ARHGAP21: variants seen among roughly 807,000 people sequenced by gnomAD.
ARHGAP21 encodes the protein Rho GTPase activating protein 21.
Under a neutral mutation model 164.6 loss-of-function variants are expected in ARHGAP21, and 38 were observed. The observed-to-expected ratio is 0.23, with a 90% CI of 0.18 to 0.30. The LOEUF (loss-of-function observed/expected upper bound fraction) is 0.30. Ranked by LOEUF, ARHGAP21 falls within the 10% of genes least tolerant of loss-of-function variation. ARHGAP21 has a pLI of 1.00. For missense variants in ARHGAP21, 1,822 were observed against 2,370.7 expected (o/e 0.77, Z 4.81); for synonymous variants, 766 against 857.9 (o/e 0.89, Z 1.87).
chr10:24,622,660 T>C lies in ARHGAP21; in HGVS notation c.525+73A>G, dbSNP rs914724665. On this transcript the variant is annotated intron_variant, in intron 8 of 25. Transcript: ENST00000396432. ...CTAAGCAAAAGTGAACAGTTTTTAA[T>C]AGATTGGCTTATTACAAATCTCTAC... is the stretch of plus-strand genomic sequence containing the variant. 23 of 1,481,566 alleles carry C rather than the reference T, an allele frequency of 1.6e-5. No individual in the cohort carries two copies. The East Asian group carries it at 5.3e-4, about 34-fold the overall frequency. 91.8% of individuals were successfully genotyped at this position (1,481,566 alleles called of 1,614,324 possible).
chr10:24,701,848 T>C (rs1315652191), intron 2 of ARHGAP21, among the ~76,000 whole-genome samples: 5 of 152,166 alleles, frequency 3.3e-5, no homozygotes, highest in Admixed American at 1.3e-4. Context: ...TATACAAGTA[T>C]CTACAGAAGT....
At chr10:24,709,852 C>T (rs562924561) in intron 2 of ARHGAP21, among the ~76,000 whole-genome samples, 45 of 152,114 alleles carry the variant, frequency 3.0e-4, no homozygotes, top group Admixed American at 1.1e-3. Flanking sequence ...CAACAAAATA[C>T]CTGCAAACTG....
At chr10:24,699,577 G>A (rs1299358464) in intron 2 of ARHGAP21, among the ~76,000 whole-genome samples, 4 of 151,976 alleles carry the variant, frequency 2.6e-5, no homozygotes, top group Non-Finnish European at 4.4e-5. Context: ...GGCTCACCTC[G>A]GCCTCCCAAA....
chr10:24,656,212 T>TG (rs1377990410), intron 4 of ARHGAP21, among the ~76,000 whole-genome samples: 27 of 104,268 alleles, frequency 2.6e-4, no homozygotes, highest in Admixed American at 1.2e-3. Context: ...GGGAGGGAGG[T>TG]GGGGGGGTCA....
chr10:24,625,669 T>G (rs1238625054), intron 7 of ARHGAP21, among the ~76,000 whole-genome samples: 1 of 152,194 alleles, frequency 6.6e-6, no homozygotes, highest in Non-Finnish European at 1.5e-5. Flanking sequence ...TCCCTCACTC[T>G]AGGCCGGACC....
rs1423634793 is a variant in ARHGAP21, at chr10:24,595,890, C to T, written c.3631G>A (p.Asp1211Asn). The T allele has an allele frequency of 6.2e-7, 1 of 1,611,844 alleles. No homozygotes were observed. The highest frequency in any genetic ancestry group is 1.1e-5 in the South Asian group (1 of 90,354). Residue 1211 changes from aspartate to asparagine, a missense_variant and splice_region_variant, in exon 18 of 26, where the codon GAT (aspartate) becomes AAT (asparagine). By Grantham distance (23) the Asp-to-Asn change is conservative (BLOSUM62 1). Transcript: ENST00000396432. ...GTTATTCAAATAAGCAAACTTACAT[C>T]ATCTTGTATATCAATATCAGCCATT... ...KGMADIDIQD[D>N]KWRDLNVISS...
At chr10:24,600,162 A>G (rs2076756636) in intron 14 of ARHGAP21, among the ~76,000 whole-genome samples, 1 of 148,852 alleles carries the variant, frequency 6.7e-6, no homozygotes, top group Non-Finnish European at 1.5e-5. Flanking sequence ...CTGACTTATG[A>G]TTTTTGAAAA....
chr10:24,608,401 T>C (rs2077121763), intron 9 of ARHGAP21, among the ~76,000 whole-genome samples: 1 of 152,188 alleles, frequency 6.6e-6, no homozygotes, highest in South Asian at 2.1e-4. Context: ...GTCCAGTCTC[T>C]AGCTTCCAAA....
chr10:24,607,970 A>G, intron 9 of ARHGAP21, 67 bp from the exon 10 acceptor site: 5 of 1,443,356 alleles, frequency 3.5e-6, no homozygotes, highest in African/African-American at 1.4e-5. Context: ...AACTCAGTCA[A>G]TAATCATTAT....
At chr10:24,619,287 G>C in intron 9 of ARHGAP21, among the ~76,000 whole-genome samples, 186 bp downstream of exon 9, 1 of 151,560 alleles carries the variant, frequency 6.6e-6, no homozygotes, top group African/African-American at 2.4e-5. Flanking sequence ...AAGGAAAATT[G>C]GTACTAGAAA....
rs187801404 is a variant in ARHGAP21 at position 24,718,463 on chromosome 10, G to A, written c.63+3374C>T. Among the ~76,000 whole-genome samples, 149 of 152,232 alleles carry A rather than the reference G, an allele frequency of 9.8e-4. 1 individual carries two copies. The highest frequency in any genetic ancestry group is 3.5e-3 in the African/African-American group (147 of 41,540). On this transcript the variant is annotated intron_variant, in intron 2 of 25. Coordinates refer to ENST00000396432, the MANE Select transcript of ARHGAP21 (RefSeq NM_020824.4). ...AGAAAGAGAATACAGGAATGGAAAG[G>A]CCTTGGCTCTGGATAAAACCAACAA...
At chr10:24,662,085 A>C (rs1208476402) in intron 4 of ARHGAP21, among the ~76,000 whole-genome samples, 2 of 152,206 alleles carry the variant, frequency 1.3e-5, no homozygotes, top group Non-Finnish European at 2.9e-5. Flanking sequence ...CAAGTACTGA[A>C]ACTGAGTAAC....
At chr10:24,671,784 A>G (rs1010244937) in intron 2 of ARHGAP21, among the ~76,000 whole-genome samples, 1 of 147,586 alleles carries the variant, frequency 6.8e-6, no homozygotes, top group Non-Finnish European at 1.5e-5. Flanking sequence ...GTGCAGTGCC[A>G]TGATCATAGT....
Position 24,645,457 on chromosome 10 carries a change from G to A in ARHGAP21, c.269-10354C>T, listed in dbSNP as rs549606776. The stretch of plus-strand genomic sequence containing the variant: ...AAATTAGCAGGGTGTGGTGATGAGC[G>A]CCTGTAGTCCCAGCTACTAGGGAGG... On this transcript the variant is annotated intron_variant, in intron 4 of 25. Transcript: ENST00000396432. Among the ~76,000 whole-genome samples the A allele has an allele frequency of 4.3e-3, 660 of 152,100 alleles. 8 individuals carry two copies. Among genetic ancestry groups the A allele is most frequent in the African/African-American group, 0.015 (606 of 41,496 alleles).
intron 24 of ARHGAP21, chr10:24,590,940 TAAAAAAAAAAAAAA>T: frequency 4.1e-6 from 3 of 739,312 alleles, no homozygotes; most frequent in Non-Finnish European, 4.8e-6. Flanking sequence ...AACTGTGAAT[TAAAAAAAAAAAAAA>T]AAAAAAGAAC....
intron 4 of ARHGAP21, among the ~76,000 whole-genome samples, chr10:24,644,318 C>A (rs1837353604): frequency 6.6e-6 from 1 of 152,088 alleles, no homozygotes; most frequent in Non-Finnish European, 1.5e-5. Context: ...ATATAGCTAC[C>A]CTCTCTATCC....
At chr10:24,664,666 T>C (rs978799773) in intron 4 of ARHGAP21, among the ~76,000 whole-genome samples, 3 of 151,978 alleles carry the variant, frequency 2.0e-5, no homozygotes, top group African/African-American at 7.2e-5. Flanking sequence ...TTTACCATAA[T>C]TGACCTTATA....
chr10:24,641,105 T>C (rs899968728), intron 4 of ARHGAP21, among the ~76,000 whole-genome samples: 19 of 152,204 alleles, frequency 1.2e-4, no homozygotes, highest in African/African-American at 4.6e-4. Context: ...AACTAGTATT[T>C]CTTATTGTTG....
At chr10:24,687,744 T>A (rs188747620) in intron 2 of ARHGAP21, among the ~76,000 whole-genome samples, 457 of 152,246 alleles carry the variant, frequency 3.0e-3, no homozygotes, top group African/African-American at 0.011. Flanking sequence ...CGAGCTTAAA[T>A]TTCAGTTCAT....
Sources: gnomAD v4.1 joint callset for allele counts (sites outside exome capture counted in the v4.1 genomes callset) on GRCh38, gnomAD v4.1.1 for gene constraint, MANE v1.5 for transcripts, NCBI Gene and HGNC (gene_info 2026-07-23, HGNC 2026-07-21) for gene names.